LRRFIP1: variants seen among roughly 807,000 people sequenced by gnomAD.
The protein encoded by LRRFIP1 is leucine-rich repeat flightless-interacting protein 1.
A neutral mutation model predicts 104.4 loss-of-function variants in LRRFIP1; 62 were observed. That is an observed-to-expected ratio of 0.59 (90% CI 0.48 to 0.73). The LOEUF is 0.73. LRRFIP1 is among the 30% of genes least tolerant of loss of function. LRRFIP1 has a pLI of 0.00. For missense variants in LRRFIP1, 796 were observed against 824.5 expected (o/e 0.97, Z 0.42); for synonymous variants, 300 against 299.0 (o/e 1.00, Z -0.03).
At chr2:237,690,017 C>T (rs892553389) in intron 1 of LRRFIP1, among the ~76,000 whole-genome samples, 1 of 152,152 alleles carries the variant, frequency 6.6e-6, no homozygotes, top group African/African-American at 2.4e-5. Context: ...AGTGGCAGGG[C>T]CAGGAACTGA....
chr2:237,677,593 A>G (rs924023787), intron 1 of LRRFIP1, among the ~76,000 whole-genome samples: 2 of 152,196 alleles, frequency 1.3e-5, no homozygotes, highest in African/African-American at 4.8e-5. Flanking sequence ...GGGGTTTGAG[A>G]CCAGCCTAGG....
chr2:237,653,126 GC>G (rs2086211201), intron 1 of LRRFIP1, among the ~76,000 whole-genome samples: 1 of 152,170 alleles, frequency 6.6e-6, no homozygotes, highest in African/African-American at 2.4e-5. Context: ...TTCCTGTATA[GC>G]CTGTGGAACT....
At chr2:237,733,188 A>G (rs2095088311) in intron 8 of LRRFIP1, among the ~76,000 whole-genome samples, 1 of 152,104 alleles carries the variant, frequency 6.6e-6, no homozygotes, top group South Asian at 2.1e-4. Context: ...CTTCACCAGC[A>G]CTGCCTCCCC....
rs1255574186 is a variant in LRRFIP1 at position 237,766,330 on chromosome 2, T to G, written c.1460-3613T>G. On this transcript the variant is annotated intron_variant, in intron 19 of 23. Transcript: ENST00000308482. The surrounding 1 kb of genome is among the most constrained non-coding windows in gnomAD (Gnocchi z 4.8). Reference sequence around the variant, plus strand: ...GGGATGATAAATGCTTGCTAGGAAATAAGTCCAAGGGCTCTATAGGACTTC... The same window carrying G: ...GGGATGATAAATGCTTGCTAGGAAAGAAGTCCAAGGGCTCTATAGGACTTC... 6.6e-6 allele frequency among the ~76,000 whole-genome samples: 1 copy of G among 151,954 alleles called. No homozygotes were observed. Among genetic ancestry groups the G allele is most frequent in the Non-Finnish European group, 1.5e-5 (1 of 67,900 alleles).
chr2:237,778,606 A>G (rs1335838583), intron 23 of LRRFIP1, among the ~76,000 whole-genome samples: 1 of 152,158 alleles, frequency 6.6e-6, no homozygotes, highest in Non-Finnish European at 1.5e-5. Flanking sequence ...CTCATGCCTC[A>G]CTTACCTTTT....
At chr2:237,697,298 C>T (rs1307455694) in intron 1 of LRRFIP1, among the ~76,000 whole-genome samples, 2 of 152,192 alleles carry the variant, frequency 1.3e-5, no homozygotes, top group Non-Finnish European at 2.9e-5. Flanking sequence ...GCTGGGATTA[C>T]AGGCATGAGC....
chr2:237,699,316 C>A (rs534704793), intron 1 of LRRFIP1, among the ~76,000 whole-genome samples: 1 of 151,586 alleles, frequency 6.6e-6, no homozygotes, highest in Non-Finnish European at 1.5e-5. Flanking sequence ...GTTTGTAAAT[C>A]CAAAAATTAA....
rs568486897 is a variant in LRRFIP1 at position 237,627,601 on chromosome 2, G to A, written c.-44G>A. On this transcript the variant is annotated 5_prime_UTR_variant, in exon 1 of 24. Coordinates refer to ENST00000308482, the MANE Select transcript of LRRFIP1 (RefSeq NM_001137550.2). ...GGGGCCGGGCCGGGGCGGCGCGAGC[G>A]GCTGGAGCAACGGGCCCCGCGGCAG... The A allele has an allele frequency of 9.6e-6, 11 of 1,144,348 alleles. No homozygotes were observed. Among genetic ancestry groups the A allele is most frequent in the Admixed American group, 4.3e-5 (1 of 23,416 alleles). The allele number at this position is 1,144,348 out of a possible 1,614,324, so 70.9% of individuals were successfully genotyped here.
rs369116459 is a variant in LRRFIP1 at position 237,649,251 on chromosome 2, C to T, written c.96+21511C>T. 3.1e-3 allele frequency among the ~76,000 whole-genome samples: 472 copies of T among 152,002 alleles called. 11 individuals carry two copies. Among genetic ancestry groups the T allele is most frequent in the Non-Finnish European group, 5.4e-3 (368 of 67,892 alleles). On this transcript the variant is annotated intron_variant, in intron 1 of 23. Coordinates refer to ENST00000308482, the MANE Select transcript of LRRFIP1 (RefSeq NM_001137550.2). The surrounding 1 kb of genome is among the most constrained non-coding windows in gnomAD (Gnocchi z 4.1). ...GTGCCCAGCTACGAACACTGTAGGC[C>T]GGGCGCGATGGCTCACACCTGTAAT...
At chr2:237,773,682 C>T (rs1356460357) in intron 22 of LRRFIP1, among the ~76,000 whole-genome samples, 1 of 152,200 alleles carries the variant, frequency 6.6e-6, no homozygotes, top group East Asian at 1.9e-4. Context: ...ACTCCTGCCT[C>T]TAGCACCCTG....
At position 237,733,830 on chromosome 2, in the gene LRRFIP1, G is replaced by A; in HGVS notation, c.489+12G>A. 1 of 1,613,848 alleles carries A rather than the reference G, an allele frequency of 6.2e-7. No homozygotes were observed. The highest frequency in any genetic ancestry group is 8.5e-7 in the Non-Finnish European group (1 of 1,179,790). Reference sequence around the variant, plus strand: ...CGGGGAGTTACCGGGTGCGTGTGCTGCCCACCCTGCTGCCCCGCACCCCCT... The same window carrying A: ...CGGGGAGTTACCGGGTGCGTGTGCTACCCACCCTGCTGCCCCGCACCCCCT... On this transcript the variant is annotated intron_variant, in intron 9 of 23. Transcript: ENST00000308482.
intron 1 of LRRFIP1, chr2:237,692,481 G>A: frequency 1.3e-6 from 2 of 1,533,278 alleles, no homozygotes; most frequent in African/African-American, 1.4e-5. Flanking sequence ...GCCGCTCAAA[G>A]CCGGGAGATC....
intron 14 of LRRFIP1, among the ~76,000 whole-genome samples, chr2:237,752,853 ACT>A (rs1381088508): frequency 6.6e-6 from 1 of 152,218 alleles, no homozygotes; most frequent in Non-Finnish European, 1.5e-5. Flanking sequence ...GTTGGCAGTC[ACT>A]GGCTTGTGGC....
chr2:237,648,686 A>G (rs374513936), intron 1 of LRRFIP1, among the ~76,000 whole-genome samples: 1 of 151,694 alleles, frequency 6.6e-6, no homozygotes, highest in Admixed American at 6.6e-5. Context: ...AACAGAAACC[A>G]TCTTCCCAGA....
chr2:237,710,972 C>G (rs1462040754), intron 2 of LRRFIP1, among the ~76,000 whole-genome samples: 3 of 152,160 alleles, frequency 2.0e-5, no homozygotes, highest in Non-Finnish European at 4.4e-5. Flanking sequence ...GAGGCAGGAG[C>G]ATTGCTTGAG....
intron 1 of LRRFIP1, among the ~76,000 whole-genome samples, chr2:237,701,910 G>A (rs1356566136): frequency 1.3e-5 from 2 of 152,220 alleles, no homozygotes; most frequent in Admixed American, 6.5e-5. Flanking sequence ...GAGATGTCAC[G>A]CATGGGTCCA....
At chr2:237,775,970 T>G (rs1025375903) in intron 23 of LRRFIP1, among the ~76,000 whole-genome samples, 1 of 151,976 alleles carries the variant, frequency 6.6e-6, no homozygotes, top group Non-Finnish European at 1.5e-5. Flanking sequence ...TTTTATTTTA[T>G]TTATTTATTT....
chr2:237,720,420 G>A (rs2094498069), intron 5 of LRRFIP1, among the ~76,000 whole-genome samples: 1 of 151,020 alleles, frequency 6.6e-6, no homozygotes, highest in Non-Finnish European at 1.5e-5. Context: ...GCTAATTTTT[G>A]TATTTTTTGT....
chr2:237,762,526 C>G (rs919560533), intron 19 of LRRFIP1: 1 of 1,165,706 alleles, frequency 8.6e-7, no homozygotes. Flanking sequence ...GGATTTGGAA[C>G]GTGTGTTTAC....
Sources: gnomAD v4.1 joint callset for allele counts (sites outside exome capture counted in the v4.1 genomes callset) on GRCh38, gnomAD v4.1.1 for gene constraint, Gnocchi (gnomAD v3.1) non-coding constraint, MANE v1.5 for transcripts, NCBI Gene and HGNC (gene_info 2026-07-23, HGNC 2026-07-21) for gene names.